PCNX2: variants seen among roughly 807,000 people sequenced by gnomAD.
The protein encoded by PCNX2 is pecanex 2.
Under a neutral mutation model 223.8 loss-of-function variants are expected in PCNX2, and 168 were observed. The observed-to-expected ratio is 0.75, with a 90% CI of 0.66 to 0.85. PCNX2 has a LOEUF of 0.85. Among genes scored for constraint, PCNX2 ranks in the 40% least tolerant of loss-of-function variants. The pLI, the probability that PCNX2 is intolerant of heterozygous loss-of-function variation, is 0.00. For synonymous variants in PCNX2, 1,006 were observed against 1,052.6 expected, an observed-to-expected ratio of 0.96 and a Z score of 0.86; for missense variants, 2,507 against 2,675.5, an observed-to-expected ratio of 0.94 and a Z score of 1.39.
chr1:233,162,351 T>C (rs144275780), intron 17 of PCNX2, among the ~76,000 whole-genome samples: 140 of 152,304 alleles, frequency 9.2e-4, no homozygotes, highest in African/African-American at 3.2e-3. Context: ...AAATCTTCAA[T>C]ACATTTATAC....
chr1:233,146,401 G>C (rs566211207), intron 19 of PCNX2, among the ~76,000 whole-genome samples: 3 of 152,198 alleles, frequency 2.0e-5, no homozygotes, highest in Non-Finnish European at 4.4e-5. Context: ...GTACTTTTCT[G>C]ATTATGAAAT....
intron 8 of PCNX2, among the ~76,000 whole-genome samples, chr1:233,249,780 C>G (rs1659340181): frequency 6.6e-6 from 1 of 152,184 alleles, no homozygotes; most frequent in Non-Finnish European, 1.5e-5. Context: ...CACTAGCATT[C>G]CTAAGCAGGT....
At chr1:233,227,460 A>G in intron 9 of PCNX2, 89 bp from the exon 10 acceptor site, 1 of 1,181,278 alleles carries the variant, frequency 8.5e-7, no homozygotes, top group East Asian at 2.6e-5. Flanking sequence ...ATACACACAC[A>G]CACATATATA....
Position 233,243,301 on chromosome 1 carries a change from A to G in PCNX2, c.2223-6321T>C, listed in dbSNP as rs114638553. ...GCCAATAATAAGAATCAGCCGTTTAATGGCCCAGTTGGAGACAGTCCCAGC... is the reference window on the plus strand; with the variant it reads ...GCCAATAATAAGAATCAGCCGTTTAGTGGCCCAGTTGGAGACAGTCCCAGC... On this transcript the variant is annotated intron_variant, in intron 8 of 33. Coordinates refer to ENST00000258229, the MANE Select transcript of PCNX2 (RefSeq NM_014801.4). Among the ~76,000 whole-genome samples the G allele has an allele frequency of 8.1e-3, 1,233 of 152,324 alleles. 18 individuals carry two copies. Among genetic ancestry groups the G allele is most frequent in the African/African-American group, 0.028 (1,170 of 41,572 alleles).
At chr1:233,303,918 A>C in the PCNX2 span, among the ~76,000 whole-genome samples, 1 of 152,154 alleles carries the variant, frequency 6.6e-6, no homozygotes, top group Admixed American at 6.5e-5. Flanking sequence ...GTTGGGATAC[A>C]GTTTTTATTT....
intron 23 of PCNX2, among the ~76,000 whole-genome samples, chr1:233,089,152 T>C (rs909476476): frequency 1.3e-5 from 2 of 151,828 alleles, no homozygotes; most frequent in Non-Finnish European, 2.9e-5. Context: ...AAAAGACACA[T>C]TGTAAAATGC....
chr1:233,137,581 A>G (rs1676882501), intron 20 of PCNX2, among the ~76,000 whole-genome samples: 1 of 152,224 alleles, frequency 6.6e-6, no homozygotes, highest in Admixed American at 6.5e-5. Context: ...TCTTGTTTCT[A>G]TCAATTAGCC....
intron 32 of PCNX2, among the ~76,000 whole-genome samples, chr1:232,986,950 C>T (rs1225572544): frequency 6.6e-6 from 1 of 152,226 alleles, no homozygotes; most frequent in Non-Finnish European, 1.5e-5. Context: ...CAAATATGAT[C>T]CTGGCTCAGG....
At chr1:233,085,198 T>C (rs1453030726) in intron 23 of PCNX2, among the ~76,000 whole-genome samples, 2 of 152,002 alleles carry the variant, frequency 1.3e-5, no homozygotes, top group African/African-American at 4.8e-5. Flanking sequence ...CCAGGTGTGG[T>C]GGCGGGCCTC....
At position 233,126,533 on chromosome 1, in the gene PCNX2, G is replaced by T. The variant is rs1676111001; in HGVS notation, c.3837+8480C>A. Among the ~76,000 whole-genome samples, 1 of 151,982 alleles carries T rather than the reference G, an allele frequency of 6.6e-6. No individual in the cohort carries two copies. The highest frequency in any genetic ancestry group is 1.5e-5 in the Non-Finnish European group (1 of 68,006). On this transcript the variant is annotated intron_variant, in intron 21 of 33. Coordinates refer to ENST00000258229, the MANE Select transcript of PCNX2 (RefSeq NM_014801.4). The surrounding 1 kb of genome is among the most constrained non-coding windows in gnomAD (Gnocchi z 4.8). ...TGTGTGTGTTTGTGTGTGTGTGTGT[G>T]TGTGTAAATATACCAGAGGACTGGG...
chr1:233,208,635 C>T lies in PCNX2; in HGVS notation c.2746G>A (p.Gly916Ser), dbSNP rs1558345615. 2.5e-6 allele frequency: 4 copies of T among 1,613,582 alleles called. No homozygotes were observed. Among genetic ancestry groups the T allele is most frequent in the Non-Finnish European group, 3.4e-6 (4 of 1,179,804 alleles). Residue 916 changes from glycine (G) to serine (S), a missense_variant, in exon 13 of 34, where the codon GGC (glycine) becomes AGC (serine). Physicochemically the swap from Gly to Ser is moderately conservative, Grantham distance 56. Around this residue, in one of 3 missense-constraint regions of PCNX2, gnomAD observed 104 missense variants for 144.4 expected, o/e 0.72. Coordinates refer to ENST00000258229, the MANE Select transcript of PCNX2 (RefSeq NM_014801.4). ...SRPIYFCVLC[G>S]LILLLDTGAK... is the part of the protein sequence containing the mutation. ...CCTGTATCAAGAAGCAAAATAAGGC[C>T]ACACAGCACACAAAAATAGATTGGT...
intron 8 of PCNX2, among the ~76,000 whole-genome samples, chr1:233,238,000 A>G (rs1344034253): frequency 2.6e-5 from 4 of 152,252 alleles, no homozygotes; most frequent in Non-Finnish European, 5.9e-5. Flanking sequence ...AGGCCTTTAC[A>G]TGATTCGTGA....
chr1:233,069,598 AT>A (rs1364336959), intron 23 of PCNX2, among the ~76,000 whole-genome samples: 1 of 152,158 alleles, frequency 6.6e-6, no homozygotes, highest in Non-Finnish European at 1.5e-5. Flanking sequence ...GAACAGCACA[AT>A]TCTAAATAAA....
At chr1:233,237,773 C>T (rs1046830905) in intron 8 of PCNX2, among the ~76,000 whole-genome samples, 2 of 152,130 alleles carry the variant, frequency 1.3e-5, no homozygotes, top group African/African-American at 4.8e-5. Context: ...AAGACTGTTG[C>T]TTTGGAAGAG....
At chr1:233,323,309 AAAGTCCCCCAAATTCT>A in the PCNX2 span, among the ~76,000 whole-genome samples, 7 of 152,344 alleles carry the variant, frequency 4.6e-5, no homozygotes, top group South Asian at 1.4e-3. Flanking sequence ...CTATCATACT[AAAGTCCCCCAAATTCT>A]AAAATCATCA....
intron 1 of PCNX2, among the ~76,000 whole-genome samples, chr1:233,280,904 G>A (rs749383017): frequency 5.9e-5 from 9 of 152,102 alleles, no homozygotes; most frequent in Non-Finnish European, 5.9e-5. Flanking sequence ...AGGACAATAA[G>A]TATAAAATAA....
chr1:233,231,002 C>T (rs886844866), intron 9 of PCNX2, among the ~76,000 whole-genome samples: 32 of 152,042 alleles, frequency 2.1e-4, no homozygotes, highest in Admixed American at 1.2e-3. Context: ...TTAGTAATTG[C>T]CACCAACTAG....
intron 15 of PCNX2, among the ~76,000 whole-genome samples, chr1:233,188,947 C>T (rs1490551179): frequency 6.6e-6 from 1 of 152,190 alleles, no homozygotes; most frequent in Non-Finnish European, 1.5e-5. Flanking sequence ...CATCCCATCC[C>T]CTTCACAGGT....
chr1:233,000,200 C>T lies in PCNX2; in HGVS notation c.5328+105G>A, dbSNP rs75929957. The T allele has an allele frequency of 6.6e-5, 75 of 1,129,646 alleles. No individual in the cohort carries two copies. The highest frequency in any genetic ancestry group is 1.4e-4 in the East Asian group (6 of 42,168). The allele number at this position is 1,129,646 out of a possible 1,614,324, so 70.0% of individuals were successfully genotyped here. A position where few individuals can be genotyped will look rare whatever the true frequency, so the allele number is the denominator to read the frequency against. On this transcript the variant is annotated intron_variant, in intron 30 of 33. Coordinates refer to ENST00000258229, the MANE Select transcript of PCNX2 (RefSeq NM_014801.4). The surrounding 1 kb of genome is among the most constrained non-coding windows in gnomAD (Gnocchi z 4.6). ...CATCCCTCTGAACAGAGGATGCTGG[C>T]ACAGAGACTCCTGTGTCAGTGCCCC...
Sources: allele counts gnomAD v4.1 joint callset (sites outside exome capture counted in the v4.1 genomes callset), GRCh38; gene constraint gnomAD v4.1.1; regional missense constraint gnomAD v4.1.1; non-coding constraint Gnocchi (gnomAD v3.1); transcripts MANE v1.5; gene names NCBI Gene and HGNC (gene_info 2026-07-23, HGNC 2026-07-21).